Variants in CENPP observed in about 807,000 individuals in gnomAD.
The protein encoded by CENPP is centromere protein P.
In CENPP, 24 loss-of-function variants were observed where a neutral mutation model predicts 35.6. The ratio of observed to expected loss-of-function variants is 0.67; its 90% CI spans 0.49 to 0.95. CENPP has a LOEUF of 0.95. Ranked by LOEUF, CENPP falls within the 40% of genes least tolerant of loss-of-function variation. CENPP has a pLI of 0.00. For missense variants in CENPP, 332 were observed against 345.3 expected, an observed-to-expected ratio of 0.96 and a Z score of 0.31; for synonymous variants, 120 against 125.5, an observed-to-expected ratio of 0.96 and a Z score of 0.29.
intron 5 of CENPP, among the ~76,000 whole-genome samples, chr9:92,502,957 G>A (rs190247375): frequency 5.9e-5 from 9 of 151,770 alleles, no homozygotes; most frequent in African/African-American, 9.7e-5. Flanking sequence ...ACAGGTATGC[G>A]CCATGAAGCC....
At chr9:92,423,260 A>AAT (rs1477371480) in intron 5 of CENPP, among the ~76,000 whole-genome samples, 10 of 151,996 alleles carry the variant, frequency 6.6e-5, no homozygotes, top group South Asian at 2.1e-4. Flanking sequence ...GGAGCAAAGT[A>AAT]ATATATATAT....
At chr9:92,509,936 C>T in intron 5 of CENPP, 1 of 1,607,802 alleles carries the variant, frequency 6.2e-7, no homozygotes, top group Middle Eastern at 1.7e-4. Context: ...GAAGATTGTT[C>T]TCATTGACTT....
intron 5 of CENPP, among the ~76,000 whole-genome samples, chr9:92,551,935 A>G (rs1314274019): frequency 2.7e-4 from 26 of 97,320 alleles, no homozygotes; most frequent in South Asian, 5.4e-4. Flanking sequence ...GTATATATAT[A>G]TATATATATA....
intron 5 of CENPP, among the ~76,000 whole-genome samples, chr9:92,503,445 A>G (rs1277420180): frequency 6.6e-6 from 1 of 152,202 alleles, no homozygotes; most frequent in African/African-American, 2.4e-5. Context: ...GTGGTCTATA[A>G]TATTTTAGGC....
intron 5 of CENPP, chr9:92,417,632 T>G (rs1166708207): frequency 1.2e-6 from 1 of 860,592 alleles, no homozygotes; most frequent in East Asian, 2.6e-5. Flanking sequence ...AGAATACGCT[T>G]TGTATAAATT....
intron 5 of CENPP, among the ~76,000 whole-genome samples, chr9:92,444,294 T>C (rs1844495609): frequency 1.3e-5 from 2 of 152,220 alleles, no homozygotes; most frequent in African/African-American, 4.8e-5. Flanking sequence ...CATGTGTTTA[T>C]TTGGTCATTT....
chr9:92,541,969 T>G (rs1849329100), intron 5 of CENPP, among the ~76,000 whole-genome samples: 1 of 152,142 alleles, frequency 6.6e-6, no homozygotes, highest in Non-Finnish European at 1.5e-5. Flanking sequence ...AATTTTTGTA[T>G]TTTTAATAGA....
chr9:92,460,940 A>G (rs1362256016), intron 5 of CENPP, among the ~76,000 whole-genome samples: 1 of 152,076 alleles, frequency 6.6e-6, no homozygotes, highest in Non-Finnish European at 1.5e-5. Flanking sequence ...CGGCCTCCTA[A>G]AGTGCTGGGA....
chr9:92,484,075 C>T (rs1845998655), intron 5 of CENPP, among the ~76,000 whole-genome samples: 1 of 152,078 alleles, frequency 6.6e-6, no homozygotes, highest in Admixed American at 6.5e-5. Context: ...CTAGTGTTTG[C>T]CTAAATTCCT....
chr9:92,349,753 TTA>T (rs999875000), intron 4 of CENPP, among the ~76,000 whole-genome samples: 1 of 152,350 alleles, frequency 6.6e-6, no homozygotes, highest in East Asian at 1.9e-4. Flanking sequence ...CATATTATCT[TTA>T]TATATGTTTG....
intron 7 of CENPP, 28 bp downstream of exon 7, chr9:92,612,642 G>A (rs770701576): frequency 2.6e-6 from 4 of 1,566,656 alleles, no homozygotes; most frequent in Non-Finnish European, 3.5e-6. Flanking sequence ...GCTGCTCTAG[G>A]TGACTTCTCA....
intron 5 of CENPP, chr9:92,505,721 G>C: frequency 6.7e-7 from 1 of 1,503,624 alleles, no homozygotes; most frequent in African/African-American, 1.4e-5. Context: ...AGAATATTAG[G>C]ATAATTGAAA....
chr9:92,419,688 C>G (rs1324358428), intron 5 of CENPP, among the ~76,000 whole-genome samples: 1 of 152,180 alleles, frequency 6.6e-6, no homozygotes, highest in Non-Finnish European at 1.5e-5. Flanking sequence ...ACGTTGAAAA[C>G]TGCTATCCAG....
chr9:92,525,805 G>A (rs1019726227), intron 5 of CENPP, among the ~76,000 whole-genome samples: 1 of 148,394 alleles, frequency 6.7e-6, no homozygotes, highest in Admixed American at 6.9e-5. Context: ...CAGAAGAATC[G>A]CTTAAACCCG....
chr9:92,551,975 A>G (rs1327012126), intron 5 of CENPP, among the ~76,000 whole-genome samples: 1 of 61,458 alleles, frequency 1.6e-5, no homozygotes, highest in Non-Finnish European at 2.9e-5. Flanking sequence ...TGTGATATAT[A>G]TGTGTGTGTA....
intron 1 of CENPP, among the ~76,000 whole-genome samples, chr9:92,327,039 T>G (rs1281813530): frequency 1.3e-5 from 2 of 152,212 alleles, no homozygotes; most frequent in African/African-American, 4.8e-5. Flanking sequence ...GTAAATGTAT[T>G]AAAGACCCTT....
intron 5 of CENPP, among the ~76,000 whole-genome samples, chr9:92,542,804 G>A (rs1048764243): frequency 6.6e-6 from 1 of 152,146 alleles, no homozygotes; most frequent in Non-Finnish European, 1.5e-5. Flanking sequence ...GAGCCACTGC[G>A]CCCGGCCCCC....
intron 5 of CENPP, chr9:92,522,560 A>G (rs760163313): frequency 1.9e-6 from 3 of 1,590,496 alleles, no homozygotes; most frequent in South Asian, 1.1e-5. Flanking sequence ...TCTCTCTCTC[A>G]TAGTGTTCTC....
intron 5 of CENPP, among the ~76,000 whole-genome samples, chr9:92,511,597 G>T (rs540998119): frequency 2.0e-5 from 3 of 151,942 alleles, no homozygotes; most frequent in Admixed American, 6.6e-5. Context: ...TCCTCCATCA[G>T]GTTTTGTTGA....
Sources: allele counts gnomAD v4.1 joint callset (sites outside exome capture counted in the v4.1 genomes callset), GRCh38; gene constraint gnomAD v4.1.1; transcripts MANE v1.5; gene names NCBI Gene and HGNC (gene_info 2026-07-23, HGNC 2026-07-21).